NDUFA10: variants seen among roughly 807,000 people sequenced by gnomAD.
The protein encoded by NDUFA10 is NADH dehydrogenase [ubiquinone] 1 alpha subcomplex subunit 10, mitochondrial.
NDUFA10 carries 40 observed loss-of-function variants against 47.8 expected under a neutral mutation model. That is an observed-to-expected ratio of 0.84 (90% CI 0.65 to 1.09). The LOEUF (loss-of-function observed/expected upper bound fraction) is 1.09, where lower values mean the gene tolerates loss of function less well. Among genes scored for constraint, NDUFA10 ranks in the 50% least tolerant of loss-of-function variants. The pLI is 0.00. For synonymous variants in NDUFA10, 183 were observed against 172.2 expected, an observed-to-expected ratio of 1.06 and a Z score of -0.49; for missense variants, 413 against 451.1, an observed-to-expected ratio of 0.92 and a Z score of 0.76.
At chr2:239,990,918 TTAAAA>T (rs1043461787) in intron 8 of NDUFA10, among the ~76,000 whole-genome samples, 6 of 152,150 alleles carry the variant, frequency 3.9e-5, no homozygotes, top group African/African-American at 1.4e-4. Context: ...AAAAAAAACA[TTAAAA>T]TAAAGTCTCT....
intron 9 of NDUFA10, among the ~76,000 whole-genome samples, chr2:239,961,702 G>A (rs1694858474): frequency 6.6e-6 from 1 of 152,222 alleles, no homozygotes; most frequent in South Asian, 2.1e-4. Context: ...GTTTCATCCA[G>A]GCCTTTTAAG....
At chr2:240,024,780 G>C (rs543191220) in intron 1 of NDUFA10, among the ~76,000 whole-genome samples, 16 of 152,366 alleles carry the variant, frequency 1.1e-4, no homozygotes, top group East Asian at 9.6e-4. Flanking sequence ...TAGTCAGTCA[G>C]AGTAAAGGCA....
intron 9 of NDUFA10, among the ~76,000 whole-genome samples, chr2:239,989,693 A>G (rs923341904): frequency 5.3e-5 from 8 of 152,254 alleles, no homozygotes; most frequent in African/African-American, 1.9e-4. Context: ...GTCCTCCCAT[A>G]TGGCCTAAGG....
chr2:239,930,583 T>C (rs935156769), intron 4 of NDUFA10, among the ~76,000 whole-genome samples: 1 of 151,830 alleles, frequency 6.6e-6, no homozygotes, highest in African/African-American at 2.4e-5. Flanking sequence ...CCCAAAGAGC[T>C]CTACAGACTC....
chr2:239,942,852 T>G (rs1004928408), intron 4 of NDUFA10, among the ~76,000 whole-genome samples: 1 of 152,222 alleles, frequency 6.6e-6, no homozygotes, highest in African/African-American at 2.4e-5. Context: ...CCACAAAACC[T>G]GGCAAAGGCT....
chr2:239,921,143 A>T (rs11692365), intron 4 of NDUFA10, among the ~76,000 whole-genome samples: 20,089 of 152,112 alleles, frequency 0.13, 1,380 homozygotes, highest in South Asian at 0.15. Flanking sequence ...ACTTTAGGGC[A>T]GGTCACAACC....
At chr2:239,999,833 C>T (rs2106460903) in intron 8 of NDUFA10, among the ~76,000 whole-genome samples, 1 of 152,338 alleles carries the variant, frequency 6.6e-6, no homozygotes, top group African/African-American at 2.4e-5. Flanking sequence ...TCCTGTGAAA[C>T]CCATGTTGTT....
intron 4 of NDUFA10, among the ~76,000 whole-genome samples, chr2:239,950,131 G>A (rs578138338): frequency 1.3e-5 from 2 of 152,306 alleles, no homozygotes; most frequent in East Asian, 1.9e-4. Flanking sequence ...CGAAGTGGTG[G>A]CAGAGATTTA....
chr2:240,024,606 T>G (rs1697778925), intron 1 of NDUFA10, among the ~76,000 whole-genome samples: 1 of 152,158 alleles, frequency 6.6e-6, no homozygotes, highest in Non-Finnish European at 1.5e-5. Context: ...CATAGAACCT[T>G]ATAGCACAAA....
At chr2:239,893,071 T>A (rs1439769191) in intron 5 of NDUFA10, among the ~76,000 whole-genome samples, 1 of 152,060 alleles carries the variant, frequency 6.6e-6, no homozygotes, top group African/African-American at 2.4e-5. Flanking sequence ...GGAAACTAGT[T>A]GGGATGAAGC....
chr2:240,000,039 T>A (rs1346566467), intron 8 of NDUFA10, among the ~76,000 whole-genome samples: 1 of 152,238 alleles, frequency 6.6e-6, no homozygotes, highest in East Asian at 1.9e-4. Flanking sequence ...ACAAACCTAC[T>A]GCACTGCCAG....
intron 5 of NDUFA10, among the ~76,000 whole-genome samples, chr2:239,892,891 G>C (rs72991981): frequency 1.3e-5 from 2 of 152,188 alleles, no homozygotes; most frequent in South Asian, 2.1e-4. Context: ...GTGTAGGCAG[G>C]GGGGCAAGGA....
chr2:239,957,439 C>T lies in NDUFA10; in HGVS notation c.*3679G>A, dbSNP rs1694685788. On this transcript the variant is annotated 3_prime_UTR_variant, in exon 10 of 10. Transcript: ENST00000252711. The stretch of plus-strand genomic sequence containing the variant: ...AAAATGAGAGCTTCCCAAAATGTAA[C>T]CAGCAATTGGATCTAACTAACTAGG... The T allele has an allele frequency of 6.6e-6, 1 of 152,056 alleles. No homozygotes were observed. The highest frequency in any genetic ancestry group is 1.5e-5 in the Non-Finnish European group (1 of 68,018). 9.4% of individuals were successfully genotyped at this position (152,056 alleles called of 1,614,324 possible).
chr2:239,960,504 T>C lies in NDUFA10; in HGVS notation c.*614A>G, dbSNP rs1386128973. ...TTCTCAACGTCTCTCTTAAAACATATTGTTCTGTAAATCTGTGGTAATTTT... is the reference window on the plus strand; with the variant it reads ...TTCTCAACGTCTCTCTTAAAACATACTGTTCTGTAAATCTGTGGTAATTTT... On this transcript the variant is annotated 3_prime_UTR_variant, in exon 10 of 10. Coordinates refer to ENST00000252711, the MANE Select transcript of NDUFA10 (RefSeq NM_004544.4). The C allele has an allele frequency of 9.0e-6, 9 of 998,320 alleles. No homozygotes were observed. The highest frequency in any genetic ancestry group is 1.1e-5 in the Non-Finnish European group (9 of 835,926). 61.8% of individuals were successfully genotyped at this position (998,320 alleles called of 1,614,324 possible). A position where few individuals can be genotyped will look rare whatever the true frequency, so the allele number is the denominator to read the frequency against.
downstream of NDUFA10, among the ~76,000 whole-genome samples, chr2:239,954,442 C>T (rs374705285): frequency 4.6e-5 from 7 of 152,378 alleles, no homozygotes; most frequent in East Asian, 3.9e-4. Flanking sequence ...TGTGTCCTCA[C>T]GCGCTCCTTC....
rs1193045901 is a variant in NDUFA10 at position 239,987,826 on chromosome 2, C to A, written c.999+2248G>T. 6.6e-6 allele frequency among the ~76,000 whole-genome samples: 1 copy of A among 152,178 alleles called. No homozygotes were observed. Among genetic ancestry groups the A allele is most frequent in the Non-Finnish European group, 1.5e-5 (1 of 68,042 alleles). ...TATGGAGAATTAAGACGACCGAGAT[C>A]ATGCAAAACATGCGAGTGGGTACTC... On this transcript the variant is annotated intron_variant, in intron 9 of 9. Transcript: ENST00000252711. The surrounding 1 kb of genome is among the most constrained non-coding windows in gnomAD (Gnocchi z 4.8).
chr2:239,913,184 G>A (rs1559274263), intron 4 of NDUFA10, among the ~76,000 whole-genome samples: 1 of 152,240 alleles, frequency 6.6e-6, no homozygotes. Context: ...CCAGCTGGTT[G>A]AAAGAGACTG....
In NDUFA10 at chr2:239,945,970, T is replaced by TA. The variant is rs1336488726; in HGVS notation, c.294+44103dup. ...ACAGGAAGCAGCCCAGAGCCTCACA[T>TA]AATGAGCTGCACCCCCAGACCAGGA... On this transcript the variant is annotated intron_variant, in intron 4 of 5. Transcript: ENST00000419408. The surrounding 1 kb of genome is among the most constrained non-coding windows in gnomAD (Gnocchi z 4.6). Among the ~76,000 whole-genome samples the TA allele has an allele frequency of 6.6e-6, 1 of 152,122 alleles. No homozygotes were observed. Among genetic ancestry groups the TA allele is most frequent in the Non-Finnish European group, 1.5e-5 (1 of 68,022 alleles).
chr2:239,938,348 C>A (rs1000412512), intron 4 of NDUFA10, among the ~76,000 whole-genome samples: 4 of 152,252 alleles, frequency 2.6e-5, no homozygotes, highest in Non-Finnish European at 1.5e-5. Context: ...CACAGGCCCC[C>A]CTGAGGACAG....
Sources: allele counts gnomAD v4.1 joint callset (sites outside exome capture counted in the v4.1 genomes callset), GRCh38; gene constraint gnomAD v4.1.1; non-coding constraint Gnocchi (gnomAD v3.1); transcripts MANE v1.5; gene names NCBI Gene and HGNC (gene_info 2026-07-23, HGNC 2026-07-21).